Variants in DIP2C observed in about 807,000 individuals in gnomAD.
DIP2C encodes the protein DIP2 acetate--CoA ligase C (putative), also known as disco-interacting protein 2 homolog C.
Under a neutral mutation model 192.4 loss-of-function variants are expected in DIP2C, and 33 were observed. The ratio of observed to expected loss-of-function variants is 0.17; its 90% CI spans 0.13 to 0.23. DIP2C has a LOEUF of 0.23. Among genes scored for constraint, DIP2C ranks in the 10% least tolerant of loss-of-function variants. DIP2C has a pLI of 1.00. For synonymous variants in DIP2C, 979 were observed against 864.1 expected, an observed-to-expected ratio of 1.13 and a Z score of -2.33; for missense variants, 1,537 against 2,110.1, an observed-to-expected ratio of 0.73 and a Z score of 5.32.
chr10:521,886 C>T (rs189031030), intron 1 of DIP2C, among the ~76,000 whole-genome samples: 4 of 152,106 alleles, frequency 2.6e-5, no homozygotes, highest in African/African-American at 9.7e-5. Context: ...TCCCCCACCC[C>T]CACCGGACCA....
chr10:572,077 C>T (rs1169321176), intron 1 of DIP2C, among the ~76,000 whole-genome samples: 1 of 152,168 alleles, frequency 6.6e-6, no homozygotes, highest in African/African-American at 2.4e-5. Context: ...GAAAGGAGAC[C>T]CTTCTCGGGA....
chr10:656,830 C>A (rs1019870338), intron 1 of DIP2C, among the ~76,000 whole-genome samples: 2 of 152,174 alleles, frequency 1.3e-5, no homozygotes, highest in Admixed American at 6.5e-5. Flanking sequence ...TCTGGCACAG[C>A]TGAGGGTCGA....
intron 1 of DIP2C, among the ~76,000 whole-genome samples, chr10:678,848 A>C (rs370142047): frequency 4.3e-4 from 4 of 9,394 alleles, no homozygotes; most frequent in Non-Finnish European, 6.1e-4. Flanking sequence ...TGCTCCCCGC[A>C]CCCATCTCTG....
At chr10:390,595 G>C in intron 11 of DIP2C, 145 bp downstream of exon 11, 1 of 1,383,880 alleles carries the variant, frequency 7.2e-7, no homozygotes, top group East Asian at 2.3e-5. Flanking sequence ...GTGTCATCAG[G>C]GACGAGAACG....
At chr10:571,520 T>G (rs984742671) in intron 1 of DIP2C, among the ~76,000 whole-genome samples, 1 of 150,146 alleles carries the variant, frequency 6.7e-6, no homozygotes, top group Non-Finnish European at 1.5e-5. Context: ...CTTCTTTCCT[T>G]TCCTCTCCCT....
At chr10:519,422 C>T (rs11252917) in intron 1 of DIP2C, among the ~76,000 whole-genome samples, 36,583 of 152,028 alleles carry the variant, frequency 0.24, 6,027 homozygotes, top group African/African-American at 0.47. Context: ...CGCTGACCCA[C>T]GCAGCACGTT....
At chr10:350,990 G>A (rs1049069474) in intron 24 of DIP2C, among the ~76,000 whole-genome samples, 5 of 152,084 alleles carry the variant, frequency 3.3e-5, no homozygotes, top group African/African-American at 1.2e-4. Context: ...GAATGCATGA[G>A]TGTAGGGATG....
chr10:525,619 A>G (rs1034790801), intron 1 of DIP2C, among the ~76,000 whole-genome samples: 3 of 152,192 alleles, frequency 2.0e-5, no homozygotes, highest in African/African-American at 7.2e-5. Flanking sequence ...TGCAAGTGAA[A>G]ATGAACCTCC....
At chr10:328,195 TAC>T (rs923955993) in intron 30 of DIP2C, among the ~76,000 whole-genome samples, 4 of 152,300 alleles carry the variant, frequency 2.6e-5, no homozygotes, top group African/African-American at 7.2e-5. Flanking sequence ...GACACGACTG[TAC>T]ACACAGAGTT....
chr10:326,251 G>A (rs1032517636), intron 31 of DIP2C, among the ~76,000 whole-genome samples: 22 of 152,234 alleles, frequency 1.4e-4, no homozygotes, highest in Middle Eastern at 3.4e-3. Flanking sequence ...AAGTGATCTC[G>A]GGAAGAGAGG....
chr10:548,272 C>T (rs1247462435), intron 1 of DIP2C, among the ~76,000 whole-genome samples: 1 of 130,970 alleles, frequency 7.6e-6, no homozygotes, highest in Non-Finnish European at 1.6e-5. Flanking sequence ...GTAAGGAGAG[C>T]TTGGTGCCCT....
intron 1 of DIP2C, among the ~76,000 whole-genome samples, chr10:532,607 A>G: frequency 3.3e-5 from 4 of 121,220 alleles, no homozygotes; most frequent in Admixed American, 8.0e-5. Flanking sequence ...GAGAGAGAGT[A>G]TGGGTGTGAG....
chr10:338,731 G>C (rs1359159507), intron 29 of DIP2C, among the ~76,000 whole-genome samples: 2 of 152,122 alleles, frequency 1.3e-5, no homozygotes, highest in Non-Finnish European at 2.9e-5. Context: ...CCGATTCTTA[G>C]AACAAGCTCT....
intron 1 of DIP2C, among the ~76,000 whole-genome samples, chr10:537,793 ATTT>A (rs11290099): frequency 1.3e-5 from 2 of 148,582 alleles, no homozygotes; most frequent in Admixed American, 1.3e-4. Context: ...TCGTCTGCGA[ATTT>A]TTTTTTTTCC....
At chr10:650,633 C>G (rs1855820707) in intron 1 of DIP2C, among the ~76,000 whole-genome samples, 1 of 152,020 alleles carries the variant, frequency 6.6e-6, no homozygotes, top group African/African-American at 2.4e-5. Context: ...TGCCGAGGGC[C>G]GGAGGCGGGG....
At chr10:601,804 C>T (rs1323498921) in intron 1 of DIP2C, among the ~76,000 whole-genome samples, 1 of 152,144 alleles carries the variant, frequency 6.6e-6, no homozygotes, top group Non-Finnish European at 1.5e-5. Context: ...GGGACGCAGG[C>T]GATGGGGTGG....
At chr10:488,925 C>T (rs1460172985) in intron 1 of DIP2C, among the ~76,000 whole-genome samples, 5 of 152,180 alleles carry the variant, frequency 3.3e-5, no homozygotes, top group African/African-American at 9.7e-5. Flanking sequence ...CTGTGCCTGA[C>T]GCAGAGAGAC....
intron 32 of DIP2C, among the ~76,000 whole-genome samples, chr10:294,827 A>C (rs1201921154): frequency 1.3e-5 from 2 of 152,164 alleles, no homozygotes; most frequent in Non-Finnish European, 2.9e-5. Context: ...TAGGATTATA[A>C]ATAACTTAAA....
At chr10:579,205 C>T (rs1302030037) in intron 1 of DIP2C, among the ~76,000 whole-genome samples, 1 of 151,918 alleles carries the variant, frequency 6.6e-6, no homozygotes, top group South Asian at 2.1e-4. Flanking sequence ...ATGCATAGAG[C>T]ATACACACAT....
Sources: gnomAD v4.1 joint callset for allele counts (sites outside exome capture counted in the v4.1 genomes callset) on GRCh38, gnomAD v4.1.1 for gene constraint, MANE v1.5 for transcripts, NCBI Gene and HGNC (gene_info 2026-07-23, HGNC 2026-07-21) for gene names.